FLT1: variants seen among roughly 807,000 people sequenced by gnomAD.
FLT1 encodes fms related receptor tyrosine kinase 1.
FLT1 carries 49 observed loss-of-function variants against 156.3 expected under a neutral mutation model. That is an observed-to-expected ratio of 0.31 (90% CI 0.25 to 0.40). The LOEUF (loss-of-function observed/expected upper bound fraction) is 0.40. Ranked by LOEUF, FLT1 falls within the 10% of genes least tolerant of loss-of-function variation. The pLI, the probability that FLT1 is intolerant of heterozygous loss-of-function variation, is 1.00. For missense variants in FLT1, 1,322 were observed against 1,637.2 expected (o/e 0.81, Z 3.32); for synonymous variants, 594 against 583.8 (o/e 1.02, Z -0.25).
intron 17 of FLT1, among the ~76,000 whole-genome samples, chr13:28,335,040 G>A (rs983022949): frequency 6.6e-6 from 1 of 152,126 alleles, no homozygotes; most frequent in East Asian, 1.9e-4. Context: ...TAACTAGAGG[G>A]GCCCATGGGA....
chr13:28,481,531 G>A (rs937787985), intron 1 of FLT1, among the ~76,000 whole-genome samples: 2 of 151,686 alleles, frequency 1.3e-5, no homozygotes, highest in Non-Finnish European at 2.9e-5. Flanking sequence ...ACTCCTAGAA[G>A]GGCCTCAGAC....
chr13:28,388,749 C>T, intron 13 of FLT1: 1 of 1,058,550 alleles, frequency 9.4e-7, no homozygotes, highest in Non-Finnish European at 1.1e-6. Flanking sequence ...TAGAAGAATG[C>T]ATTAAATCTC....
chr13:28,332,919 A>AT (rs1265861984), intron 18 of FLT1, among the ~76,000 whole-genome samples: 2 of 152,146 alleles, frequency 1.3e-5, no homozygotes, highest in Non-Finnish European at 2.9e-5. Context: ...GCATGCCTCT[A>AT]TTTTGACAGA....
intron 10 of FLT1, among the ~76,000 whole-genome samples, chr13:28,410,548 C>G (rs1361627223): frequency 1.3e-5 from 2 of 152,234 alleles, no homozygotes; most frequent in African/African-American, 4.8e-5. Flanking sequence ...GTCTGCTCTA[C>G]AGCCTTAGTC....
intron 10 of FLT1, among the ~76,000 whole-genome samples, chr13:28,418,441 C>T (rs577542982): frequency 3.7e-4 from 56 of 152,326 alleles, no homozygotes; most frequent in African/African-American, 9.9e-4. Context: ...GTTAGGCAGG[C>T]GCCCTCCCAA....
intron 14 of FLT1, among the ~76,000 whole-genome samples, chr13:28,378,150 G>C (rs1873925161): frequency 1.3e-5 from 2 of 151,034 alleles, no homozygotes; most frequent in Admixed American, 6.6e-5. Flanking sequence ...CCGGGTTCAA[G>C]AGATTCTCCT....
At chr13:28,361,154 C>A (rs898949447) in intron 14 of FLT1, among the ~76,000 whole-genome samples, 1 of 151,988 alleles carries the variant, frequency 6.6e-6, no homozygotes, top group African/African-American at 2.4e-5. Context: ...TGGCTCATGC[C>A]GGTAGTCCCA....
chr13:28,311,802 C>T lies in FLT1; in HGVS notation c.3493-70G>A, dbSNP rs113867782. 24 of 1,526,724 alleles carry T rather than the reference C, an allele frequency of 1.6e-5. No homozygotes were observed. The African/African-American group carries it at 2.0e-4, about 13-fold the overall frequency. The allele number at this position is 1,526,724 out of a possible 1,614,324, so 94.6% of individuals were successfully genotyped here. A position where few individuals can be genotyped will look rare whatever the true frequency, so the allele number is the denominator to read the frequency against. On this transcript the variant is annotated intron_variant, in intron 26 of 29. Coordinates refer to ENST00000282397, the MANE Select transcript of FLT1 (RefSeq NM_002019.4). ...CAACAATTTCTATGAACCATTATGT[C>T]AACTTTGACTATGTCATTTGCACAA... is the stretch of plus-strand genomic sequence containing the variant.
At chr13:28,382,415 A>C (rs765282547) in intron 14 of FLT1, among the ~76,000 whole-genome samples, 1 of 152,242 alleles carries the variant, frequency 6.6e-6, no homozygotes. Context: ...ATAACGTCGT[A>C]GGAGTAGGCA....
At chr13:28,481,533 G>C in intron 1 of FLT1, among the ~76,000 whole-genome samples, 1 of 151,852 alleles carries the variant, frequency 6.6e-6, no homozygotes, top group Non-Finnish European at 1.5e-5. Context: ...TCCTAGAAGG[G>C]CCTCAGACCC....
chr13:28,470,400 T>C (rs1045158504), intron 1 of FLT1, among the ~76,000 whole-genome samples: 3 of 152,198 alleles, frequency 2.0e-5, no homozygotes, highest in Non-Finnish European at 2.9e-5. Flanking sequence ...GGGGATTTAA[T>C]TGAGCAATTG....
At chr13:28,458,827 C>T (rs1283822948) in intron 3 of FLT1, among the ~76,000 whole-genome samples, 1 of 152,210 alleles carries the variant, frequency 6.6e-6, no homozygotes, top group East Asian at 1.9e-4. Flanking sequence ...TGGTCCTAAT[C>T]AGCTGTCTGC....
chr13:28,354,851 G>A (rs116898407), intron 15 of FLT1, among the ~76,000 whole-genome samples: 1,954 of 151,910 alleles, frequency 0.013, 21 homozygotes, highest in Non-Finnish European at 0.02. Context: ...TATATATGTG[G>A]CAACCCATAT....
chr13:28,402,781 G>A (rs924816368), intron 11 of FLT1, among the ~76,000 whole-genome samples: 11 of 151,904 alleles, frequency 7.2e-5, no homozygotes, highest in African/African-American at 1.9e-4. Context: ...GTTACGTTAC[G>A]TTATGTTATT....
chr13:28,355,874 A>G (rs1030759397), intron 15 of FLT1, among the ~76,000 whole-genome samples: 2 of 152,214 alleles, frequency 1.3e-5, no homozygotes, highest in Non-Finnish European at 2.9e-5. Flanking sequence ...AGAAACTCAC[A>G]GATGTCGTAA....
At chr13:28,354,425 G>A (rs1248453499) in intron 15 of FLT1, among the ~76,000 whole-genome samples, 1 of 152,114 alleles carries the variant, frequency 6.6e-6, no homozygotes, top group Non-Finnish European at 1.5e-5. Context: ...CTTTTCTGGT[G>A]TGTCAAAGAA....
chr13:28,424,317 A>G (rs889578140), intron 10 of FLT1, among the ~76,000 whole-genome samples: 2 of 152,094 alleles, frequency 1.3e-5, no homozygotes, highest in Non-Finnish European at 2.9e-5. Context: ...CATTACCTGT[A>G]TGAGTTTAAA....
rs1870484370 is a variant in FLT1, at chr13:28,300,812, G to T, written c.*2355C>A. On this transcript the variant is annotated 3_prime_UTR_variant, in exon 30 of 30. Transcript: ENST00000282397. The stretch of plus-strand genomic sequence containing the variant: ...AAGGAAGTGCTCGTTCTTTGTTAGT[G>T]CCAACCATTTTTGTCATAAATGGCA... 4.3e-6 allele frequency: 1 copy of T among 233,100 alleles called. No homozygotes were observed. Among genetic ancestry groups the T allele is most frequent in the South Asian group, 1.8e-4 (1 of 5,532 alleles). The allele number at this position is 233,100 out of a possible 1,614,324, so 14.4% of individuals were successfully genotyped here.
intron 4 of FLT1, among the ~76,000 whole-genome samples, chr13:28,436,492 C>T (rs940271236): frequency 1.2e-4 from 19 of 152,118 alleles, no homozygotes; most frequent in African/African-American, 3.4e-4. Flanking sequence ...CACTCCAGAT[C>T]GTAGGCAGAA....
Sources: gnomAD v4.1 joint callset for allele counts (sites outside exome capture counted in the v4.1 genomes callset) on GRCh38, gnomAD v4.1.1 for gene constraint, MANE v1.5 for transcripts, NCBI Gene and HGNC (gene_info 2026-07-23, HGNC 2026-07-21) for gene names.